RNF157: variants seen among roughly 807,000 people sequenced by gnomAD.
RNF157 encodes the protein ring finger protein 157.
In RNF157, 55 loss-of-function variants were observed where a neutral mutation model predicts 88.3. The ratio of observed to expected loss-of-function variants is 0.62; its 90% CI spans 0.50 to 0.78. The LOEUF is 0.78. Among genes scored for constraint, RNF157 ranks in the 30% least tolerant of loss-of-function variants. The pLI is 0.00. For synonymous variants in RNF157, 334 were observed against 341.2 expected (o/e 0.98, Z 0.23); for missense variants, 788 against 860.8 (o/e 0.92, Z 1.06).
At chr17:76,156,370 C>G in intron 13 of RNF157, 49 bp from the exon 14 acceptor site, 3 of 1,612,132 alleles carry the variant, frequency 1.9e-6, no homozygotes, top group Non-Finnish European at 2.5e-6. Context: ...GCGCCAGTCA[C>G]CTGTGCTGGA....
At chr17:76,194,892 G>A (rs1459307045) in intron 2 of RNF157, among the ~76,000 whole-genome samples, 2 of 152,110 alleles carry the variant, frequency 1.3e-5, no homozygotes, top group African/African-American at 4.8e-5. Context: ...GCGGGCGCCT[G>A]TAGTCCCAGC....
chr17:76,194,432 A>T (rs1002534623), intron 2 of RNF157, among the ~76,000 whole-genome samples: 7 of 152,204 alleles, frequency 4.6e-5, no homozygotes, highest in South Asian at 2.1e-4. Context: ...TGATGGTGGG[A>T]AGGGCGGTAA....
intron 1 of RNF157, 50 bp from the exon 2 acceptor site, chr17:76,212,532 T>C: frequency 8.8e-7 from 1 of 1,141,776 alleles, no homozygotes; most frequent in South Asian, 1.3e-5. Flanking sequence ...ACAGTCAACC[T>C]AAATCTAGTA....
intron 2 of RNF157, among the ~76,000 whole-genome samples, chr17:76,209,492 T>C (rs1483606868): frequency 2.0e-5 from 3 of 151,972 alleles, no homozygotes; most frequent in Admixed American, 2.0e-4. Flanking sequence ...GTTTTTTTTT[T>C]TCTTTTTTAG....
At chr17:76,225,622 G>T in intron 1 of RNF157, 1 of 781,348 alleles carries the variant, frequency 1.3e-6, no homozygotes, top group Non-Finnish European at 1.9e-6. Context: ...CTGTATTTAT[G>T]GCATGACCTC....
chr17:76,145,441 C>A, intron 18 of RNF157, 88 bp from the exon 19 acceptor site: 1 of 936,314 alleles, frequency 1.1e-6, no homozygotes, highest in East Asian at 2.5e-5. Flanking sequence ...GGAGCCGGCA[C>A]GGAAGGAGCA....
At chr17:76,194,135 G>T (rs2069433466) in intron 2 of RNF157, among the ~76,000 whole-genome samples, 1 of 151,948 alleles carries the variant, frequency 6.6e-6, no homozygotes, top group African/African-American at 2.4e-5. Context: ...TGTGAATTTT[G>T]ACAAACACAC....
Position 76,159,516 on chromosome 17 carries a change from C to T in RNF157, c.1123G>A (p.Gly375Arg), listed in dbSNP as rs373613224. Residue 375 changes from glycine to arginine, a missense_variant, in exon 12 of 19, where the codon GGG (glycine) becomes AGG (arginine). Physicochemically the swap from Gly to Arg is moderately radical, Grantham distance 125. Transcript: ENST00000269391. ...EVVSLLEALNGPLTPSPAVPP... is the reference protein window; with the variant it reads ...EVVSLLEALNRPLTPSPAVPP... Reference sequence around the variant, plus strand: ...ACTGCTGGGGACGGGGTGAGGGGCCCGTTGAGGGCCTCCAGAAGAGATACT... The same window carrying T: ...ACTGCTGGGGACGGGGTGAGGGGCCTGTTGAGGGCCTCCAGAAGAGATACT... 12 of 1,605,068 alleles carry T rather than the reference C, an allele frequency of 7.5e-6. No homozygotes were observed. The highest frequency in any genetic ancestry group is 2.2e-5 in the East Asian group (1 of 44,692).
chr17:76,162,186 G>T (rs1420063127), intron 9 of RNF157, 184 bp from the exon 10 acceptor site: 2 of 649,008 alleles, frequency 3.1e-6, no homozygotes, highest in Non-Finnish European at 5.2e-6. Flanking sequence ...TCTGGGAAGT[G>T]TTTATCTAAA....
intron 18 of RNF157, chr17:76,147,145 G>A (rs1398218820): frequency 1.0e-6 from 1 of 984,900 alleles, no homozygotes; most frequent in Non-Finnish European, 1.2e-6. Context: ...CACCTCTAAT[G>A]GTGGCACTAT....
chr17:76,204,391 G>A lies in RNF157; in HGVS notation c.207+7973C>T, dbSNP rs146490150. ...CTCCAGGGCACTCTGGTCCTCTCTCGTAGAACCTATCACAGTCCCTCGCAG... is the reference window on the plus strand; with the variant it reads ...CTCCAGGGCACTCTGGTCCTCTCTCATAGAACCTATCACAGTCCCTCGCAG... On this transcript the variant is annotated intron_variant, in intron 2 of 18. Transcript: ENST00000269391. Among the ~76,000 whole-genome samples, 85 of 152,260 alleles carry A rather than the reference G, an allele frequency of 5.6e-4. 1 individual carries two copies. The East Asian group carries it at 0.01, about 18-fold the overall frequency.
chr17:76,174,321 C>G (rs2144883216), intron 2 of RNF157, among the ~76,000 whole-genome samples: 1 of 152,300 alleles, frequency 6.6e-6, no homozygotes. Flanking sequence ...TCATATAAAG[C>G]AGAGCTCTTT....
At chr17:76,188,594 A>G (rs1210870191) in intron 2 of RNF157, among the ~76,000 whole-genome samples, 1 of 152,248 alleles carries the variant, frequency 6.6e-6, no homozygotes, top group Non-Finnish European at 1.5e-5. Context: ...TGCAACAGAT[A>G]ATTCCCCCCA....
chr17:76,227,442 ACT>A (rs1397795050), intron 1 of RNF157, among the ~76,000 whole-genome samples: 1 of 151,442 alleles, frequency 6.6e-6, no homozygotes, highest in Non-Finnish European at 1.5e-5. Context: ...CAGAGGACTG[ACT>A]CTATAACAGC....
At chr17:76,200,111 G>A (rs1374057959) in intron 2 of RNF157, among the ~76,000 whole-genome samples, 2 of 151,968 alleles carry the variant, frequency 1.3e-5, no homozygotes, top group African/African-American at 4.8e-5. Context: ...GTGTGGTGGC[G>A]GGCGCCTGTA....
rs368049637 is a variant in RNF157 at position 76,160,241 on chromosome 17, A to G, written c.1066-668T>C. Among the ~76,000 whole-genome samples, 6 of 152,194 alleles carry G rather than the reference A, an allele frequency of 3.9e-5. No individual in the cohort carries two copies. The East Asian group carries it at 5.8e-4, about 15-fold the overall frequency. ...AATCTAGTTGTGTCTAACACATCCT[A>G]TTGTAAACAAGTTTTGATGAACATC... On this transcript the variant is annotated intron_variant, in intron 11 of 18. Transcript: ENST00000269391. The surrounding 1 kb of genome is among the most constrained non-coding windows in gnomAD (Gnocchi z 4.3).
intron 1 of RNF157, among the ~76,000 whole-genome samples, 162 bp from the exon 2 acceptor site, chr17:76,212,644 C>T (rs1380651463): frequency 6.6e-6 from 1 of 152,022 alleles, no homozygotes; most frequent in Non-Finnish European, 1.5e-5. Flanking sequence ...GACAGATCGC[C>T]TGAGATAAGG....
At chr17:76,232,659 T>C (rs2070213460) in intron 1 of RNF157, among the ~76,000 whole-genome samples, 1 of 152,208 alleles carries the variant, frequency 6.6e-6, no homozygotes, top group Non-Finnish European at 1.5e-5. Context: ...TTCCACTGTT[T>C]AAGACACTGT....
chr17:76,175,819 G>A (rs1157574432), intron 2 of RNF157: 52 of 980,158 alleles, frequency 5.3e-5, no homozygotes, highest in African/African-American at 7.0e-5. Flanking sequence ...ACTCCCTGCC[G>A]CAAAAGAGAG....
Sources: gnomAD v4.1 joint callset for allele counts (sites outside exome capture counted in the v4.1 genomes callset) on GRCh38, gnomAD v4.1.1 for gene constraint, Gnocchi (gnomAD v3.1) non-coding constraint, MANE v1.5 for transcripts, NCBI Gene and HGNC (gene_info 2026-07-23, HGNC 2026-07-21) for gene names.